CATSPER2: variants seen among roughly 807,000 people sequenced by gnomAD.
The protein encoded by CATSPER2 is cation channel sperm associated 2.
A neutral mutation model predicts 68.8 loss-of-function variants in CATSPER2; 56 were observed. That is an observed-to-expected ratio of 0.81 (90% CI 0.66 to 1.02). The LOEUF (loss-of-function observed/expected upper bound fraction) is 1.02, where lower values mean the gene tolerates loss of function less well. Among genes scored for constraint, CATSPER2 ranks in the 50% least tolerant of loss-of-function variants. CATSPER2 has a pLI of 0.00. For missense variants in CATSPER2, 582 were observed against 642.0 expected (o/e 0.91, Z 1.01); for synonymous variants, 198 against 229.9 (o/e 0.86, Z 1.26).
intron 12 of CATSPER2, 101 bp downstream of exon 12, chr15:43,632,098 G>A (rs2085881900): frequency 7.6e-6 from 10 of 1,323,374 alleles, no homozygotes; most frequent in Non-Finnish European, 1.1e-6. Context: ...CAGAAATTGA[G>A]AAGCTGAGAT....
intron 9 of CATSPER2, 123 bp from the exon 10 acceptor site, chr15:43,635,539 G>C: frequency 8.2e-7 from 1 of 1,219,384 alleles, no homozygotes; most frequent in Non-Finnish European, 1.2e-6. Flanking sequence ...GTAGTCAAGG[G>C]GTGAAAAAAA....
chr15:43,639,510 C>A (rs1397303212), intron 6 of CATSPER2, 133 bp downstream of exon 6: 36 of 1,467,130 alleles, frequency 2.5e-5, no homozygotes, highest in Non-Finnish European at 3.3e-5. Context: ...CATGACCCAT[C>A]CCCCTCGGCT....
intron 4 of CATSPER2, among the ~76,000 whole-genome samples, chr15:43,644,551 G>A (rs1004765898): frequency 6.6e-6 from 1 of 151,948 alleles, no homozygotes; most frequent in Admixed American, 6.6e-5. Flanking sequence ...TTAGGAACCC[G>A]GCCATGCAGC....
chr15:43,632,196 T>C lies in CATSPER2; in HGVS notation c.1561+3A>G, dbSNP rs767193147. 1.2e-6 allele frequency: 2 copies of C among 1,613,276 alleles called. No homozygotes were observed. Among genetic ancestry groups the C allele is most frequent in the Non-Finnish European group, 1.7e-6 (2 of 1,179,406 alleles). ...GGTCCCCATGACTGCCCTAACTCCATACCTGCAAACTCTTGTAACTTCTTA... is the reference window on the plus strand; with the variant it reads ...GGTCCCCATGACTGCCCTAACTCCACACCTGCAAACTCTTGTAACTTCTTA... On this transcript the variant is annotated splice_donor_region_variant and intron_variant, in intron 12 of 12. Transcript: ENST00000396879.
chr15:43,646,711 T>A (rs2086170767), intron 4 of CATSPER2, among the ~76,000 whole-genome samples: 1 of 136,556 alleles, frequency 7.3e-6, no homozygotes, highest in South Asian at 2.2e-4. Context: ...TTCCTCTTTT[T>A]CTTTTTCTTT....
At chr15:43,648,210 A>G (rs1459690495) in intron 1 of CATSPER2, 147 bp from the exon 2 acceptor site, 3 of 976,600 alleles carry the variant, frequency 3.1e-6, no homozygotes, top group East Asian at 2.4e-5. Context: ...AGTTGGGAAG[A>G]ACAAACATTC....
At chr15:43,639,107 C>A (rs1312291093) in intron 6 of CATSPER2, 79 bp from the exon 7 acceptor site, 1 of 1,551,652 alleles carries the variant, frequency 6.4e-7, no homozygotes, top group Admixed American at 1.7e-5. Context: ...GCTCACCTGG[C>A]AATCCCCCAC....
At chr15:43,630,783 T>C in intron 12 of CATSPER2, 51 bp from the exon 13 acceptor site, 2 of 1,611,822 alleles carry the variant, frequency 1.2e-6, no homozygotes, top group Non-Finnish European at 1.7e-6. Context: ...ATTCTACATA[T>C]ATAAATGTTT....
chr15:43,638,622 C>A lies in CATSPER2; in HGVS notation c.842+282G>T, dbSNP rs2086011421. The stretch of plus-strand genomic sequence containing the variant: ...AAAAGAGGTAACTGAGTCACAGAAA[C>A]CAAGCTTAACCACTGGAGTGTACTG... On this transcript the variant is annotated intron_variant, in intron 7 of 12. Coordinates refer to ENST00000396879, the MANE Select transcript of CATSPER2 (RefSeq NM_172095.4). Among the ~76,000 whole-genome samples, 2 of 151,792 alleles carry A rather than the reference C, an allele frequency of 1.3e-5. 1 individual carries two copies. The highest frequency in any genetic ancestry group is 2.9e-5 in the Non-Finnish European group (2 of 67,934).
In CATSPER2 at chr15:43,647,288, G is replaced by A. The variant is rs2086185894; in HGVS notation, c.319+6C>T. 1 of 1,603,870 alleles carries A rather than the reference G, an allele frequency of 6.2e-7. No individual in the cohort carries two copies. The highest frequency in any genetic ancestry group is 8.5e-7 in the Non-Finnish European group (1 of 1,170,962). On this transcript the variant is annotated splice_donor_region_variant and intron_variant, in intron 3 of 12. Transcript: ENST00000396879. Reference sequence around the variant, plus strand: ...CAGGATAAAAATGAGTGACATGAAAGGATACACTCAAGGACCCATCCGGCC... The same window carrying A: ...CAGGATAAAAATGAGTGACATGAAAAGATACACTCAAGGACCCATCCGGCC...
intron 10 of CATSPER2, chr15:43,635,008 C>A: frequency 6.2e-6 from 2 of 323,806 alleles, no homozygotes; most frequent in East Asian, 8.1e-5. Flanking sequence ...TGGCATTAGC[C>A]CCAACCTCTA....
rs2085848321 is a variant in CATSPER2, at chr15:43,630,046, G to T, written c.*655C>A. 1 of 153,166 alleles carries T rather than the reference G, an allele frequency of 6.5e-6. No homozygotes were observed. Among genetic ancestry groups the T allele is most frequent in the South Asian group, 2.0e-4 (1 of 4,912 alleles). 9.5% of individuals were successfully genotyped at this position (153,166 alleles called of 1,614,324 possible). A position where few individuals can be genotyped will look rare whatever the true frequency, so the allele number is the denominator to read the frequency against. On this transcript the variant is annotated 3_prime_UTR_variant, in exon 13 of 13. Transcript: ENST00000396879. ...GTGGAAGCTATAATGATAAAGTCAA[G>T]AAATGAGTCAGATTCAGGAGCTGTG...
upstream of CATSPER2, chr15:43,648,848 CG>C (rs1201005471): frequency 1.3e-6 from 2 of 1,526,708 alleles, no homozygotes; most frequent in East Asian, 2.5e-5. Flanking sequence ...GAGCAACGCT[CG>C]CCCAGCCACT....
At chr15:43,638,868 T>C (rs778347224) in intron 7 of CATSPER2, 36 bp downstream of exon 7, 8 of 1,611,048 alleles carry the variant, frequency 5.0e-6, no homozygotes, top group South Asian at 4.4e-5. Flanking sequence ...TAGCCAAATT[T>C]TCTCCCCTCA....
rs542799449 is a variant in CATSPER2 at position 43,633,106 on chromosome 15, T to C, written c.1179-172A>G. ...TCCAACCTCAATCATTCATGTGTCA[T>C]CCTTAACTCTTCTCTCCCCTCCCAT... On this transcript the variant is annotated intron_variant, in intron 10 of 12. Transcript: ENST00000396879. 215 of 901,220 alleles carry C rather than the reference T, an allele frequency of 2.4e-4. No homozygotes were observed. In the African/African-American group the frequency reaches 4.2e-3, roughly 18 times the overall value. The allele number at this position is 901,220 out of a possible 1,614,324, so 55.8% of individuals were successfully genotyped here. A position where few individuals can be genotyped will look rare whatever the true frequency, so the allele number is the denominator to read the frequency against.
intron 6 of CATSPER2, 49 bp from the exon 7 acceptor site, chr15:43,639,077 T>TC (rs1192414134): frequency 6.2e-7 from 1 of 1,604,188 alleles, no homozygotes; most frequent in Non-Finnish European, 8.5e-7. Flanking sequence ...TAGGCTGATC[T>TC]CCACCAACAG....
chr15:43,633,431 C>T (rs2085910078), intron 10 of CATSPER2: 1 of 181,342 alleles, frequency 5.5e-6, no homozygotes, highest in African/African-American at 2.4e-5. Context: ...ACTTCATTTC[C>T]CAGCACTCTT....
chr15:43,632,314 C>T lies in CATSPER2; in HGVS notation c.1446G>A (p.Met482Ile). The T allele has an allele frequency of 6.2e-7, 1 of 1,613,732 alleles. No individual in the cohort carries two copies. Among genetic ancestry groups the T allele is most frequent in the Non-Finnish European group, 8.5e-7 (1 of 1,179,858 alleles). Residue 482 changes from methionine to isoleucine, a missense_variant, in exon 12 of 13, where the codon ATG (methionine) becomes ATA (isoleucine). Physicochemically the swap from Met to Ile is conservative, Grantham distance 10. Coordinates refer to ENST00000396879, the MANE Select transcript of CATSPER2 (RefSeq NM_172095.4). Reference protein sequence around the residue: ...TLVHENLPGLMEMDQDDRVWP... With the variant: ...TLVHENLPGLIEMDQDDRVWP... ...AAACACGGTCATCCTGATCCATTTCCATTAGCCCGGGCAGATTTTCGTGCA... is the reference window on the plus strand; with the variant it reads ...AAACACGGTCATCCTGATCCATTTCTATTAGCCCGGGCAGATTTTCGTGCA...
chr15:43,634,511 C>A (rs1287020841), intron 10 of CATSPER2: 1 of 152,004 alleles, frequency 6.6e-6, no homozygotes, highest in Non-Finnish European at 1.5e-5. Flanking sequence ...ACCGCACCCA[C>A]CCTGCTAAAT....
Sources: gnomAD v4.1 joint callset for allele counts (sites outside exome capture counted in the v4.1 genomes callset) on GRCh38, gnomAD v4.1.1 for gene constraint, MANE v1.5 for transcripts, NCBI Gene and HGNC (gene_info 2026-07-23, HGNC 2026-07-21) for gene names.